Variants in RNF150 observed in about 807,000 individuals in gnomAD.
The protein encoded by RNF150 is ring finger protein 150.
Under a neutral mutation model 39.3 loss-of-function variants are expected in RNF150, and 24 were observed. The observed-to-expected ratio is 0.61, with a 90% CI of 0.44 to 0.86. The LOEUF is 0.86. Among genes scored for constraint, RNF150 ranks in the 40% least tolerant of loss-of-function variants. The probability of loss-of-function intolerance (pLI) is 0.00; values close to 1 mark genes in which losing one functional copy is unlikely to be tolerated. For missense variants in RNF150, 502 were observed against 587.8 expected, an observed-to-expected ratio of 0.85 and a Z score of 1.51; for synonymous variants, 255 against 227.3, an observed-to-expected ratio of 1.12 and a Z score of -1.10.
chr4:141,046,744 A>G (rs1354228193), intron 1 of RNF150, among the ~76,000 whole-genome samples: 1 of 152,200 alleles, frequency 6.6e-6, no homozygotes, highest in Admixed American at 6.5e-5. Flanking sequence ...TTAGGGAATT[A>G]TTACAAGAGA....
At chr4:140,943,708 C>T (rs1292354952) in intron 4 of RNF150, among the ~76,000 whole-genome samples, 1 of 152,172 alleles carries the variant, frequency 6.6e-6, no homozygotes, top group Non-Finnish European at 1.5e-5. Flanking sequence ...TGGGACTTTC[C>T]ACTATTCCTG....
intron 4 of RNF150, among the ~76,000 whole-genome samples, chr4:140,926,439 A>G (rs1177054202): frequency 2.0e-5 from 3 of 152,210 alleles, no homozygotes; most frequent in African/African-American, 7.2e-5. Flanking sequence ...TACTACTTTA[A>G]AAAATATGCA....
chr4:140,913,970 A>C lies in RNF150; in HGVS notation c.988-2616T>G, dbSNP rs116840507. On this transcript the variant is annotated intron_variant, in intron 5 of 6. Transcript: ENST00000515673. Reference sequence around the variant, plus strand: ...CTAACTGTGGGAGAGGTTTTCAGGAAGAAAAGATTTCGCAAAGAGGGTACT... The same window carrying C: ...CTAACTGTGGGAGAGGTTTTCAGGACGAAAAGATTTCGCAAAGAGGGTACT... 6.8e-3 allele frequency among the ~76,000 whole-genome samples: 1,030 copies of C among 152,356 alleles called. 8 individuals are homozygous for C. The highest frequency in any genetic ancestry group is 0.012 in the Non-Finnish European group (808 of 68,036).
rs1050497247 is a variant in RNF150, at chr4:141,192,862, C to T, written c.-6+19932G>A. ...CTCACTTGATGTTGCTCAAGCATGC[C>T]AGGCAAGCTTCCAACTCAGGGCCTT... On this transcript the variant is annotated intron_variant, in intron 1 of 7. Transcript: ENST00000420921. Among the ~76,000 whole-genome samples the T allele has an allele frequency of 3.9e-5, 6 of 152,192 alleles. No individual in the cohort carries two copies. In the East Asian group the frequency reaches 1.2e-3, roughly 29 times the overall value.
At chr4:141,023,334 C>G (rs368303614) in intron 1 of RNF150, among the ~76,000 whole-genome samples, 1 of 152,034 alleles carries the variant, frequency 6.6e-6, no homozygotes, top group East Asian at 1.9e-4. Flanking sequence ...CAATCTCTGC[C>G]TCCTGGGTTC....
At chr4:140,988,688 A>T (rs1356823035) in intron 1 of RNF150, among the ~76,000 whole-genome samples, 1 of 150,272 alleles carries the variant, frequency 6.7e-6, no homozygotes, top group East Asian at 2.0e-4. Context: ...ATGCTGCTAT[A>T]AAGGCACATG....
intron 1 of RNF150, among the ~76,000 whole-genome samples, chr4:141,196,462 A>G (rs746420688): frequency 2.0e-5 from 3 of 152,184 alleles, no homozygotes; most frequent in Non-Finnish European, 2.9e-5. Context: ...TGTTCCTGCC[A>G]CCTAGATATT....
intron 5 of RNF150, among the ~76,000 whole-genome samples, chr4:140,912,079 C>G (rs902777609): frequency 2.6e-5 from 4 of 152,210 alleles, no homozygotes; most frequent in Non-Finnish European, 4.4e-5. Flanking sequence ...TGACAGCTTC[C>G]CTTGAAGAAC....
chr4:140,902,978 A>G (rs2278136), intron 6 of RNF150, among the ~76,000 whole-genome samples: 61,495 of 152,036 alleles, frequency 0.4, 13,055 homozygotes, highest in Middle Eastern at 0.54. Flanking sequence ...CAGTGGTGCT[A>G]GAAGGAGAAA....
intron 5 of RNF150, among the ~76,000 whole-genome samples, chr4:140,911,930 T>A (rs72615904): frequency 2.0e-5 from 1 of 50,088 alleles, no homozygotes; most frequent in Non-Finnish European, 3.8e-5. Context: ...TATAGAAAAA[T>A]ATCCCTAAGT....
chr4:140,954,009 A>G (rs750193257), intron 2 of RNF150, among the ~76,000 whole-genome samples: 10 of 152,156 alleles, frequency 6.6e-5, no homozygotes, highest in Non-Finnish European at 1.2e-4. Flanking sequence ...CCGGAAGTCT[A>G]TTACAAAACA....
chr4:141,206,282 G>T (rs2111224291), intron 1 of RNF150, among the ~76,000 whole-genome samples: 1 of 152,026 alleles, frequency 6.6e-6, no homozygotes, highest in South Asian at 2.1e-4. Context: ...AGCCAGGCAT[G>T]GTGGCAGGTG....
chr4:141,105,236 G>A (rs1466382884), intron 1 of RNF150, among the ~76,000 whole-genome samples: 1 of 151,916 alleles, frequency 6.6e-6, no homozygotes, highest in East Asian at 1.9e-4. Context: ...TTTCCAAATT[G>A]GCCTACTTAC....
rs186990739 is a variant in RNF150 at position 141,159,329 on chromosome 4, A to C, written c.-6+53465T>G. Among the ~76,000 whole-genome samples the C allele has an allele frequency of 4.9e-4, 75 of 152,274 alleles. No homozygotes were observed. The South Asian group carries it at 5.0e-3, about 10-fold the overall frequency. On this transcript the variant is annotated intron_variant, in intron 1 of 7. Transcript: ENST00000420921. ...TTCCAACAAAACTTAGTTTGTAGACACTGAAATTTGACATTAATATAATTT... is the reference window on the plus strand; with the variant it reads ...TTCCAACAAAACTTAGTTTGTAGACCCTGAAATTTGACATTAATATAATTT...
intron 1 of RNF150, among the ~76,000 whole-genome samples, chr4:141,084,627 C>T (rs977639357): frequency 1.3e-5 from 2 of 152,210 alleles, no homozygotes; most frequent in African/African-American, 4.8e-5. Flanking sequence ...AGAGAAGCAT[C>T]TCACAGACAA....
intron 4 of RNF150, among the ~76,000 whole-genome samples, chr4:140,935,926 T>G (rs1033335335): frequency 2.0e-5 from 3 of 152,204 alleles, no homozygotes; most frequent in Non-Finnish European, 2.9e-5. Flanking sequence ...AAAGTCCTCC[T>G]GTGCCCCTTA....
intron 1 of RNF150, among the ~76,000 whole-genome samples, chr4:141,028,984 T>C (rs1042484481): frequency 3.9e-5 from 6 of 152,186 alleles, no homozygotes; most frequent in African/African-American, 1.4e-4. Context: ...AGATATGCTA[T>C]AATCATTAAA....
intron 6 of RNF150, among the ~76,000 whole-genome samples, chr4:140,910,151 G>A (rs1301405822): frequency 6.6e-6 from 1 of 151,958 alleles, no homozygotes; most frequent in African/African-American, 2.4e-5. Context: ...ATTTTAGCAT[G>A]CTTTCATACA....
rs1728570274 is a variant in RNF150 at position 140,863,461 on chromosome 4, C to T, written c.*4800G>A. ...TCAGAAGTGAATATGGATATTGCTACACAATAAAAAGAGGAAAAACACCAA... is the reference window on the plus strand; with the variant it reads ...TCAGAAGTGAATATGGATATTGCTATACAATAAAAAGAGGAAAAACACCAA... On this transcript the variant is annotated 3_prime_UTR_variant, in exon 7 of 7. Coordinates refer to ENST00000515673, the MANE Select transcript of RNF150 (RefSeq NM_020724.2). 1 of 151,978 alleles carries T rather than the reference C, an allele frequency of 6.6e-6. No individual in the cohort carries two copies. The highest frequency in any genetic ancestry group is 2.4e-5 in the African/African-American group (1 of 41,368). 9.4% of individuals were successfully genotyped at this position (151,978 alleles called of 1,614,324 possible). A position where few individuals can be genotyped will look rare whatever the true frequency, so the allele number is the denominator to read the frequency against.
Sources: gnomAD v4.1 joint callset for allele counts (sites outside exome capture counted in the v4.1 genomes callset) on GRCh38, gnomAD v4.1.1 for gene constraint, MANE v1.5 for transcripts, NCBI Gene and HGNC (gene_info 2026-07-23, HGNC 2026-07-21) for gene names.